PCDH9: variants seen among roughly 807,000 people sequenced by gnomAD.
The protein encoded by PCDH9 is protocadherin 9, also known as protocadherin-9.
A neutral mutation model predicts 70.6 loss-of-function variants in PCDH9; 24 were observed. The ratio of observed to expected loss-of-function variants is 0.34; its 90% CI spans 0.25 to 0.48. PCDH9 has a LOEUF of 0.48. Among genes scored for constraint, PCDH9 ranks in the 20% least tolerant of loss-of-function variants. PCDH9 has a pLI of 0.99. For synonymous variants in PCDH9, 562 were observed against 558.5 expected, an observed-to-expected ratio of 1.01 and a Z score of -0.09; for missense variants, 1,281 against 1,503.6, an observed-to-expected ratio of 0.85 and a Z score of 2.45.
chr13:66,765,427 A>C (rs983126052), intron 3 of PCDH9, among the ~76,000 whole-genome samples: 16 of 152,068 alleles, frequency 1.1e-4, no homozygotes, highest in Non-Finnish European at 7.3e-5. Context: ...GTGAGAACTC[A>C]TTCACACCAG....
intron 2 of PCDH9, among the ~76,000 whole-genome samples, chr13:66,978,807 T>C (rs1036902409): frequency 8.1e-5 from 4 of 49,506 alleles, no homozygotes; most frequent in African/African-American, 1.2e-4. Context: ...CATAAATGTA[T>C]GTATATATGT....
intron 4 of PCDH9, among the ~76,000 whole-genome samples, chr13:66,577,943 G>A (rs2875481): frequency 0.34 from 51,134 of 151,762 alleles, 8,869 homozygotes; most frequent in Middle Eastern, 0.44. Context: ...TGAGGGAAAG[G>A]TGGAAAAACT....
At chr13:67,140,345 C>T (rs2087351539) in intron 2 of PCDH9, among the ~76,000 whole-genome samples, 1 of 151,874 alleles carries the variant, frequency 6.6e-6, no homozygotes, top group Admixed American at 6.6e-5. Context: ...GATAAGTTTG[C>T]CAGTGGAAAA....
chr13:66,425,066 G>T (rs535185964), intron 4 of PCDH9, among the ~76,000 whole-genome samples: 1 of 151,870 alleles, frequency 6.6e-6, no homozygotes, highest in South Asian at 2.1e-4. Context: ...CAACTACTTT[G>T]CATAACTTGA....
intron 3 of PCDH9, among the ~76,000 whole-genome samples, chr13:66,865,076 T>G (rs1376958792): frequency 1.3e-5 from 2 of 152,224 alleles, no homozygotes; most frequent in East Asian, 3.8e-4. Context: ...TAAAACAGAA[T>G]CTTCATACTT....
chr13:66,483,474 TG>T (rs1958878828), intron 4 of PCDH9, among the ~76,000 whole-genome samples: 1 of 152,186 alleles, frequency 6.6e-6, no homozygotes. Flanking sequence ...ACCACCAACT[TG>T]GAGACATGAA....
chr13:67,103,575 T>C (rs567205017), intron 2 of PCDH9, among the ~76,000 whole-genome samples: 2 of 152,214 alleles, frequency 1.3e-5, no homozygotes, highest in Non-Finnish European at 2.9e-5. Flanking sequence ...GTTCTTCAAA[T>C]GGCAGTAAAG....
chr13:66,878,368 A>G (rs2081857500), intron 3 of PCDH9, among the ~76,000 whole-genome samples: 1 of 151,916 alleles, frequency 6.6e-6, no homozygotes, highest in South Asian at 2.1e-4. Context: ...CTGGGATTAC[A>G]GGGGCCCGCC....
chr13:66,809,601 A>G (rs1226661826), intron 3 of PCDH9, among the ~76,000 whole-genome samples: 1 of 152,026 alleles, frequency 6.6e-6, no homozygotes, highest in Non-Finnish European at 1.5e-5. Flanking sequence ...TTGTGTGTGT[A>G]TATGCAGCAA....
intron 4 of PCDH9, among the ~76,000 whole-genome samples, chr13:66,313,605 A>G (rs1403191904): frequency 6.6e-6 from 1 of 152,224 alleles, no homozygotes; most frequent in Non-Finnish European, 1.5e-5. Flanking sequence ...CAATGTTATG[A>G]AGCAATTTGC....
chr13:67,007,324 A>C (rs1448532426), intron 2 of PCDH9, among the ~76,000 whole-genome samples: 8 of 152,174 alleles, frequency 5.3e-5, no homozygotes, highest in Non-Finnish European at 1.2e-4. Context: ...GAGTAAAAAA[A>C]CACAAATAGG....
intron 4 of PCDH9, among the ~76,000 whole-genome samples, chr13:66,376,215 C>A (rs1275081124): frequency 6.6e-6 from 1 of 152,030 alleles, no homozygotes; most frequent in Non-Finnish European, 1.5e-5. Flanking sequence ...GTCACCTTTG[C>A]CTTTAAACAA....
chr13:66,947,292 T>C (rs2083103834), intron 2 of PCDH9, among the ~76,000 whole-genome samples: 2 of 152,180 alleles, frequency 1.3e-5, no homozygotes, highest in South Asian at 4.1e-4. Flanking sequence ...AATAGCCATA[T>C]AATAACAAAT....
chr13:66,655,592 T>C (rs943203102), intron 3 of PCDH9, among the ~76,000 whole-genome samples: 1 of 151,944 alleles, frequency 6.6e-6, no homozygotes, highest in Non-Finnish European at 1.5e-5. Flanking sequence ...AAATGATTTA[T>C]CAAGGGAATA....
intron 4 of PCDH9, among the ~76,000 whole-genome samples, chr13:66,513,645 T>C (rs889144333): frequency 1.3e-5 from 2 of 152,024 alleles, no homozygotes; most frequent in Non-Finnish European, 1.5e-5. Context: ...AATATTCTCT[T>C]GGTCTTTCAT....
In PCDH9 at chr13:67,059,231, C is replaced by T. The variant is rs373790614; in HGVS notation, c.3037-155626G>A. ...TTATGCAATAGACATCAGCTCCCTA[C>T]GGTGTGCTAGCATTATTCTAGATGC... is the stretch of plus-strand genomic sequence containing the variant. On this transcript the variant is annotated intron_variant, in intron 2 of 4. Transcript: ENST00000377865. Among the ~76,000 whole-genome samples, 37 of 151,354 alleles carry T rather than the reference C, an allele frequency of 2.4e-4. No homozygotes were observed. The East Asian group carries it at 4.7e-3, about 19-fold the overall frequency.
intron 2 of PCDH9, among the ~76,000 whole-genome samples, chr13:67,184,847 A>G (rs889413236): frequency 6.6e-6 from 1 of 152,218 alleles, no homozygotes; most frequent in Non-Finnish European, 1.5e-5. Context: ...ACTATTTTCT[A>G]TTCACGAGGA....
intron 2 of PCDH9, chr13:66,985,741 G>A (rs956723458): frequency 6.6e-6 from 1 of 151,978 alleles, no homozygotes; most frequent in African/African-American, 2.4e-5. Context: ...AACTACAAAA[G>A]CATGTAAATT....
At chr13:66,681,261 G>A (rs1438276567) in intron 3 of PCDH9, among the ~76,000 whole-genome samples, 1 of 151,960 alleles carries the variant, frequency 6.6e-6, no homozygotes, top group Non-Finnish European at 1.5e-5. Context: ...AAACACACCA[G>A]CTTCCAGTTT....
Sources: gnomAD v4.1 joint callset for allele counts (sites outside exome capture counted in the v4.1 genomes callset) on GRCh38, gnomAD v4.1.1 for gene constraint, MANE v1.5 for transcripts, NCBI Gene and HGNC (gene_info 2026-07-23, HGNC 2026-07-21) for gene names.